Variants in CENPE observed in about 807,000 individuals in gnomAD.
CENPE encodes centromere protein E, also known as centromere-associated protein E.
In CENPE, 145 loss-of-function variants were observed where a neutral mutation model predicts 336.1. The observed-to-expected ratio is 0.43, with a 90% CI of 0.38 to 0.50. The LOEUF (loss-of-function observed/expected upper bound fraction) is 0.50. Ranked by LOEUF, CENPE falls within the 20% of genes least tolerant of loss-of-function variation. CENPE has a pLI of 0.00. For synonymous variants in CENPE, 1,013 were observed against 984.8 expected, an observed-to-expected ratio of 1.03 and a Z score of -0.54; for missense variants, 2,719 against 3,023.3, an observed-to-expected ratio of 0.90 and a Z score of 2.36.
intron 44 of CENPE, among the ~76,000 whole-genome samples, chr4:103,119,233 C>G (rs528975556): frequency 2.2e-4 from 33 of 152,208 alleles, no homozygotes; most frequent in Non-Finnish European, 4.0e-4. Context: ...AATATTCTGT[C>G]TCCTTCAACT....
chr4:103,152,803 C>T lies in CENPE; in HGVS notation c.3237+244G>A, dbSNP rs116106665. The stretch of plus-strand genomic sequence containing the variant: ...GAACATATCAGGACTGATAATCTGG[C>T]GGGGAGGAGGTGATGAGGGTCTGTG... On this transcript the variant is annotated intron_variant, in intron 25 of 48. Coordinates refer to ENST00000265148, the MANE Select transcript of CENPE (RefSeq NM_001813.3). Among the ~76,000 whole-genome samples the T allele has an allele frequency of 2.9e-3, 442 of 151,958 alleles. 4 individuals carry two copies. Among genetic ancestry groups the T allele is most frequent in the African/African-American group, 0.01 (434 of 41,440 alleles).
intron 43 of CENPE, among the ~76,000 whole-genome samples, chr4:103,120,860 C>T (rs563117027): frequency 1.2e-4 from 19 of 152,130 alleles, no homozygotes; most frequent in Non-Finnish European, 2.2e-4. Context: ...CTCAGCCTCC[C>T]GAGTAGCTGG....
rs1578534416 is a variant in CENPE at position 103,113,153 on chromosome 4, TGTATATATA to T, written c.7540+1293_7540+1301del. ...GTATATATACTTATAAGTATATAAG[TGTATATATA>T]CTTATAAGTATATAAGTGTATATAT... On this transcript the variant is annotated intron_variant, in intron 46 of 48. Transcript: ENST00000265148. Among the ~76,000 whole-genome samples, 4 of 132,210 alleles carry T rather than the reference TGTATATATA, an allele frequency of 3.0e-5. No individual in the cohort carries two copies. In the East Asian group the frequency reaches 8.6e-4, roughly 29 times the overall value. 86.7% of individuals were successfully genotyped at this position (132,210 alleles called of 152,430 possible).
chr4:103,130,405 A>G (rs781246346), intron 42 of CENPE, among the ~76,000 whole-genome samples: 12 of 152,224 alleles, frequency 7.9e-5, no homozygotes. Flanking sequence ...AATTAAAAAT[A>G]CATTACCATT....
intron 37 of CENPE, 33 bp downstream of exon 37, chr4:103,140,223 T>C: frequency 6.4e-7 from 1 of 1,562,060 alleles, no homozygotes; most frequent in Non-Finnish European, 8.6e-7. Flanking sequence ...TTGGGCACAG[T>C]TACTTCCAAA....
rs1247264835 is a variant in CENPE at position 103,194,181 on chromosome 4, T to C, written c.693+48A>G. ...CCAAACATCCAGCAACTAAATTAAA[T>C]TTTGTTTTGGCCCATACAGTACATT... On this transcript the variant is annotated intron_variant, in intron 8 of 48. Transcript: ENST00000265148. 5.0e-6 allele frequency: 7 copies of C among 1,414,064 alleles called. No individual in the cohort carries two copies. In the Admixed American group the frequency reaches 1.3e-4, roughly 27 times the overall value. The allele number at this position is 1,414,064 out of a possible 1,614,324, so 87.6% of individuals were successfully genotyped here.
chr4:103,156,563 A>G (rs1753974040), intron 24 of CENPE, among the ~76,000 whole-genome samples: 4 of 152,156 alleles, frequency 2.6e-5, no homozygotes, highest in African/African-American at 9.6e-5. Flanking sequence ...ACCTTACACT[A>G]TATATACAAA....
At chr4:103,115,123 TCTTTA>T (rs1290509357) in intron 45 of CENPE, among the ~76,000 whole-genome samples, 2 of 151,922 alleles carry the variant, frequency 1.3e-5, no homozygotes, top group African/African-American at 4.8e-5. Flanking sequence ...CTGACCCTAT[TCTTTA>T]CTTTTCTTTT....
intron 28 of CENPE, among the ~76,000 whole-genome samples, chr4:103,147,953 C>A (rs1204355823): frequency 2.6e-5 from 4 of 152,094 alleles, no homozygotes; most frequent in African/African-American, 9.7e-5. Context: ...CTTGGCCTCC[C>A]AAAGTGCTGG....
At chr4:103,133,300 C>G (rs1200848783) in intron 41 of CENPE, among the ~76,000 whole-genome samples, 1 of 152,068 alleles carries the variant, frequency 6.6e-6, no homozygotes, top group Non-Finnish European at 1.5e-5. Flanking sequence ...CCTGCCTGAG[C>G]CTCTTAAGTA....
intron 8 of CENPE, among the ~76,000 whole-genome samples, chr4:103,186,583 T>G (rs1756788236): frequency 1.3e-5 from 2 of 152,216 alleles, no homozygotes; most frequent in Admixed American, 1.3e-4. Context: ...AAGAAGTGGC[T>G]GCTTATTATG....
chr4:103,128,003 A>C (rs1195521150), intron 42 of CENPE, among the ~76,000 whole-genome samples: 2 of 152,146 alleles, frequency 1.3e-5, no homozygotes, highest in African/African-American at 4.8e-5. Context: ...AAAAAATAAG[A>C]GCTGACTGTA....
chr4:103,109,310 G>T (rs1578524057), intron 47 of CENPE, among the ~76,000 whole-genome samples: 1 of 152,084 alleles, frequency 6.6e-6, no homozygotes, highest in Non-Finnish European at 1.5e-5. Flanking sequence ...GAATAATATA[G>T]TAAGTTTCCA....
At chr4:103,158,193 AC>A (rs1754119151) in intron 24 of CENPE, 106 bp downstream of exon 24, 8 of 763,888 alleles carry the variant, frequency 1.0e-5, no homozygotes, top group Non-Finnish European at 1.6e-5. Context: ...GTTAGTTATT[AC>A]CATTGTGAGT....
intron 13 of CENPE, among the ~76,000 whole-genome samples, chr4:103,178,303 T>C (rs958215747): frequency 1.3e-5 from 2 of 152,160 alleles, no homozygotes; most frequent in African/African-American, 4.8e-5. Flanking sequence ...CATGGCAATA[T>C]TCCCTTCCCC....
intron 39 of CENPE, among the ~76,000 whole-genome samples, chr4:103,137,296 G>T (rs1752151965): frequency 6.6e-6 from 1 of 151,988 alleles, no homozygotes; most frequent in Non-Finnish European, 1.5e-5. Flanking sequence ...AATAAATCTG[G>T]ACCCATAGAC....
intron 25 of CENPE, 52 bp from the exon 26 acceptor site, chr4:103,151,429 G>A: frequency 1.5e-6 from 2 of 1,319,646 alleles, no homozygotes; most frequent in Non-Finnish European, 2.0e-6. Flanking sequence ...TAACATTTAT[G>A]AAATCAGGTA....
chr4:103,187,635 G>C (rs981776881), intron 8 of CENPE, among the ~76,000 whole-genome samples: 83 of 147,076 alleles, frequency 5.6e-4, no homozygotes, highest in Admixed American at 8.6e-4. Context: ...CCTTACAAGA[G>C]CTCCTGAAGG....
At chr4:103,120,061 G>C (rs1750475249) in intron 44 of CENPE, 87 bp downstream of exon 44, 3 of 927,592 alleles carry the variant, frequency 3.2e-6, no homozygotes, top group Non-Finnish European at 4.8e-6. Flanking sequence ...TTGTGAGAGG[G>C]AAGAATAGAG....
Sources: gnomAD v4.1 joint callset for allele counts (sites outside exome capture counted in the v4.1 genomes callset) on GRCh38, gnomAD v4.1.1 for gene constraint, MANE v1.5 for transcripts, NCBI Gene and HGNC (gene_info 2026-07-23, HGNC 2026-07-21) for gene names.